Variants in ELAPOR1 observed in about 807,000 individuals in gnomAD.
ELAPOR1 encodes endosome-lysosome associated apoptosis and autophagy regulator 1.
Under a neutral mutation model 119.7 loss-of-function variants are expected in ELAPOR1, and 77 were observed. The observed-to-expected ratio is 0.64, with a 90% CI of 0.54 to 0.78. ELAPOR1 has a LOEUF of 0.78. ELAPOR1 is among the 30% of genes least tolerant of loss of function. The pLI, the probability that ELAPOR1 is intolerant of heterozygous loss-of-function variation, is 0.00. For synonymous variants in ELAPOR1, 481 were observed against 487.2 expected (o/e 0.99, Z 0.17); for missense variants, 1,115 against 1,270.4 (o/e 0.88, Z 1.86).
intron 1 of ELAPOR1, 160 bp from the exon 2 acceptor site, chr1:109,161,734 C>A (rs1378758641): frequency 1.5e-5 from 11 of 719,398 alleles, no homozygotes; most frequent in Non-Finnish European, 2.3e-5. Flanking sequence ...CATTGTAGTT[C>A]TTGTACTCGG....
chr1:109,190,640 G>A (rs1653373520), intron 11 of ELAPOR1, among the ~76,000 whole-genome samples: 1 of 152,168 alleles, frequency 6.6e-6, no homozygotes, highest in South Asian at 2.1e-4. Flanking sequence ...GTGTTTGCAA[G>A]GTGAGCAAAC....
chr1:109,119,978 C>T (rs942774635), intron 1 of ELAPOR1, among the ~76,000 whole-genome samples: 1 of 152,238 alleles, frequency 6.6e-6, no homozygotes, highest in Non-Finnish European at 1.5e-5. Flanking sequence ...CCTTAGTCAC[C>T]ACTATGGTCT....
chr1:109,150,348 T>G (rs1425233622), intron 1 of ELAPOR1, among the ~76,000 whole-genome samples: 1 of 152,110 alleles, frequency 6.6e-6, no homozygotes, highest in Non-Finnish European at 1.5e-5. Context: ...AAGGCCAGGG[T>G]TCCCCCAGAC....
chr1:109,178,968 A>AAG (rs1291361880), intron 7 of ELAPOR1, among the ~76,000 whole-genome samples: 2 of 151,958 alleles, frequency 1.3e-5, no homozygotes, highest in African/African-American at 2.4e-5. Flanking sequence ...GTCTCAAAAA[A>AAG]AAAAAAAGAA....
At chr1:109,191,898 G>A (rs1399849355) in intron 13 of ELAPOR1, 35 bp downstream of exon 13, 2 of 1,612,414 alleles carry the variant, frequency 1.2e-6, no homozygotes. Flanking sequence ...CCCCAGGAGA[G>A]ACCCTCTGAA....
At chr1:109,125,381 G>GT (rs1029647302) in intron 1 of ELAPOR1, among the ~76,000 whole-genome samples, 7 of 126,794 alleles carry the variant, frequency 5.5e-5, no homozygotes, top group Admixed American at 2.2e-4. Context: ...CAAGCAGTCT[G>GT]TTTTTTTTGT....
intron 3 of ELAPOR1, among the ~76,000 whole-genome samples, chr1:109,165,169 G>C (rs776520716): frequency 6.6e-6 from 1 of 152,134 alleles, no homozygotes; most frequent in African/African-American, 2.4e-5. Flanking sequence ...GTGCATGTCC[G>C]TAGTCCCAGC....
intron 2 of ELAPOR1, 21 bp from the exon 3 acceptor site, chr1:109,164,478 T>C (rs779241218): frequency 6.3e-7 from 1 of 1,593,446 alleles, no homozygotes; most frequent in Non-Finnish European, 8.6e-7. Context: ...TGCCCCACCT[T>C]GTCTCTGCCC....
At chr1:109,134,090 A>G (rs191854573) in intron 1 of ELAPOR1, among the ~76,000 whole-genome samples, 2 of 152,190 alleles carry the variant, frequency 1.3e-5, no homozygotes, top group Non-Finnish European at 2.9e-5. Context: ...TCAGTACTGT[A>G]TAAAGGAGCA....
At chr1:109,198,164 C>CT in intron 17 of ELAPOR1, 89 bp downstream of exon 17, 1 of 995,722 alleles carries the variant, frequency 1.0e-6, no homozygotes, top group Admixed American at 1.9e-5. Flanking sequence ...CCACCTACTG[C>CT]TTATCAAGCC....
chr1:109,143,225 T>C (rs1649944594), intron 1 of ELAPOR1, among the ~76,000 whole-genome samples: 2 of 152,222 alleles, frequency 1.3e-5, no homozygotes, highest in Admixed American at 1.3e-4. Flanking sequence ...GCTAGAATTA[T>C]AGGCATGAGT....
chr1:109,171,129 A>C (rs535802248), intron 3 of ELAPOR1, among the ~76,000 whole-genome samples: 2 of 152,126 alleles, frequency 1.3e-5, no homozygotes, highest in Admixed American at 6.5e-5. Flanking sequence ...TGGGCTTGGC[A>C]CTCTCCAAGC....
chr1:109,143,769 A>C (rs1558028941), intron 1 of ELAPOR1, among the ~76,000 whole-genome samples: 3 of 151,916 alleles, frequency 2.0e-5, no homozygotes, highest in Non-Finnish European at 2.9e-5. Context: ...TCCCAGGCTC[A>C]AACAGTCCTC....
intron 4 of ELAPOR1, 63 bp from the exon 5 acceptor site, chr1:109,172,425 T>G: frequency 8.0e-7 from 1 of 1,246,996 alleles, no homozygotes; most frequent in Non-Finnish European, 1.2e-6. Flanking sequence ...TGGTGCAATG[T>G]GGGGAAAGGT....
chr1:109,173,429 G>T, intron 5 of ELAPOR1, 45 bp from the exon 6 acceptor site: 1 of 1,543,562 alleles, frequency 6.5e-7, no homozygotes. Context: ...AGATTAGCGA[G>T]ATTTTTCTCT....
chr1:109,164,258 A>G (rs647294), intron 2 of ELAPOR1, among the ~76,000 whole-genome samples: 85,502 of 151,860 alleles, frequency 0.56, 24,276 homozygotes, highest in Non-Finnish European at 0.61. Context: ...CTATGGCTTC[A>G]CCTCTTTTGG....
chr1:109,140,301 T>A (rs1390611354), intron 1 of ELAPOR1, among the ~76,000 whole-genome samples: 1 of 152,160 alleles, frequency 6.6e-6, no homozygotes, highest in Non-Finnish European at 1.5e-5. Flanking sequence ...TTTAGTTGAA[T>A]TACTTTGAGG....
intron 14 of ELAPOR1, among the ~76,000 whole-genome samples, 194 bp from the exon 15 acceptor site, chr1:109,194,227 A>C (rs564842901): frequency 9.8e-5 from 15 of 152,344 alleles, no homozygotes; most frequent in Admixed American, 6.5e-4. Context: ...ATATGTGCTA[A>C]TAATTGAATG....
Position 109,164,528 on chromosome 1 carries a change from G to A in ELAPOR1, c.304G>A (p.Asp102Asn), listed in dbSNP as rs761258122. 4 of 1,613,648 alleles carry A rather than the reference G, an allele frequency of 2.5e-6. No homozygotes were observed. Among genetic ancestry groups the A allele is most frequent in the Non-Finnish European group, 3.4e-6 (4 of 1,179,636 alleles). ...SFSCNAGEFL[D>N]MKDQSCKPCA... ...CTCCTGCAACGCCGGGGAGTTTCTG[G>A]ATATGAAGGACCAGTCATGTAAGCC... Residue 102 changes from aspartate (D) to asparagine (N), a missense_variant, in exon 3 of 22, where the codon GAT becomes AAT. Transcript: ENST00000369939.
Sources: allele counts gnomAD v4.1 joint callset (sites outside exome capture counted in the v4.1 genomes callset), GRCh38; gene constraint gnomAD v4.1.1; transcripts MANE v1.5; gene names NCBI Gene and HGNC (gene_info 2026-07-23, HGNC 2026-07-21).